Variants in TRIO observed in about 807,000 individuals in gnomAD.
TRIO encodes trio Rho guanine nucleotide exchange factor, also known as triple functional domain protein.
In TRIO, 58 loss-of-function variants were observed where a neutral mutation model predicts 351.9. The observed-to-expected ratio is 0.16, with a 90% CI of 0.13 to 0.21. TRIO has a LOEUF of 0.21. TRIO is among the 10% of genes least tolerant of loss of function. The pLI is 1.00. For missense variants in TRIO, 3,201 were observed against 4,027.8 expected (o/e 0.79, Z 5.56); for synonymous variants, 1,758 against 1,595.7 (o/e 1.10, Z -2.42).
intron 11 of TRIO, among the ~76,000 whole-genome samples, chr5:14,355,398 A>G (rs545177776): frequency 5.9e-5 from 9 of 152,188 alleles, no homozygotes; most frequent in Non-Finnish European, 1.0e-4. Context: ...GTTGACGTGA[A>G]GCCCTCTGCT....
chr5:14,277,746 A>G (rs1476780477), intron 2 of TRIO, among the ~76,000 whole-genome samples: 1 of 152,216 alleles, frequency 6.6e-6, no homozygotes, highest in Non-Finnish European at 1.5e-5. Flanking sequence ...ATCTTGGGGA[A>G]TAGAATTAAA....
Position 14,507,141 on chromosome 5 carries a change from C to T in TRIO, c.8632C>T (p.Leu2878=), listed in dbSNP as rs769841215. Residue 2878 remains leucine (L), a synonymous_variant, in exon 56 of 57, where the codon CTG becomes TTG. Transcript: ENST00000344204. The part of the protein sequence containing the change: ...VLEMADQGRL[L]DCVVRWGSLT... ...CTTTAGGGCTGACCAGGGTCGCCTC[C>T]TGGACTGCGTGGTGCGATGGGGAAG... The T allele has an allele frequency of 6.2e-7, 1 of 1,607,702 alleles. No individual in the cohort carries two copies. The highest frequency in any genetic ancestry group is 1.1e-5 in the South Asian group (1 of 90,056).
intron 53 of TRIO, 60 bp downstream of exon 53, chr5:14,498,700 C>T (rs987098238): frequency 1.8e-5 from 29 of 1,591,154 alleles, no homozygotes; most frequent in African/African-American, 1.7e-4. Context: ...TCAGGAGTCT[C>T]CTTAAGTCCT....
intron 30 of TRIO, among the ~76,000 whole-genome samples, chr5:14,399,642 G>T (rs566907776): frequency 7.2e-5 from 11 of 152,300 alleles, no homozygotes; most frequent in African/African-American, 2.4e-4. Context: ...TGGCAGATCC[G>T]GTGATGCATT....
intron 34 of TRIO, among the ~76,000 whole-genome samples, chr5:14,424,940 AC>A (rs775519764): frequency 2.6e-5 from 4 of 152,152 alleles, no homozygotes; most frequent in Non-Finnish European, 5.9e-5. Context: ...TGTCTTAGCA[AC>A]TTTTTCAAAT....
chr5:14,195,644 C>T (rs2152160418), intron 1 of TRIO, among the ~76,000 whole-genome samples: 1 of 152,230 alleles, frequency 6.6e-6, no homozygotes, highest in East Asian at 1.9e-4. Flanking sequence ...TTTTTAAATT[C>T]TTCCGCTTAT....
chr5:14,495,840 C>T (rs1041849252), intron 49 of TRIO, among the ~76,000 whole-genome samples: 6 of 151,576 alleles, frequency 4.0e-5, no homozygotes, highest in African/African-American at 7.3e-5. Flanking sequence ...TAGTGGCAGG[C>T]GCCTGTAGTC....
At chr5:14,404,213 A>G (rs571215889) in intron 31 of TRIO, among the ~76,000 whole-genome samples, 286 of 152,114 alleles carry the variant, frequency 1.9e-3, no homozygotes, top group African/African-American at 6.5e-3. Context: ...TTGTAAAACA[A>G]AATTTTGGTT....
rs768444178 is a variant in TRIO at position 14,381,189 on chromosome 5, C to T, written c.3507C>T (p.Gly1169=). The T allele has an allele frequency of 2.0e-5, 33 of 1,614,038 alleles. No individual in the cohort carries two copies. In the Admixed American group the frequency reaches 5.3e-4, roughly 26 times the overall value. Reference sequence around the variant, plus strand: ...ACCTTTCCACACACACCTCCACGGGCTCCAGTATACAGCACACCCAGGAGC... The same window carrying T: ...ACCTTTCCACACACACCTCCACGGGTTCCAGTATACAGCACACCCAGGAGC... ...EFYLSTHTST[G]SSIQHTQELL... The change falls in exon 21 of 57, where the codon GGC becomes GGT. Residue 1169 remains glycine (G), a synonymous_variant. Transcript: ENST00000344204.
chr5:14,204,439 G>A (rs980703728), intron 1 of TRIO, among the ~76,000 whole-genome samples: 1 of 152,078 alleles, frequency 6.6e-6, no homozygotes, highest in Non-Finnish European at 1.5e-5. Flanking sequence ...CTTTATGATC[G>A]TGGGCAGCTT....
At chr5:14,377,599 T>G (rs934184650) in intron 19 of TRIO, among the ~76,000 whole-genome samples, 2 of 152,128 alleles carry the variant, frequency 1.3e-5, no homozygotes, top group Non-Finnish European at 2.9e-5. Context: ...ACTCCACTAT[T>G]TTGACACAAC....
intron 34 of TRIO, among the ~76,000 whole-genome samples, chr5:14,434,609 G>C (rs896728547): frequency 6.6e-6 from 1 of 152,116 alleles, no homozygotes; most frequent in Non-Finnish European, 1.5e-5. Flanking sequence ...TCTCACATAC[G>C]GTGATGAAAA....
chr5:14,501,813 G>A (rs1757316169), intron 53 of TRIO, among the ~76,000 whole-genome samples: 2 of 152,210 alleles, frequency 1.3e-5, no homozygotes, highest in Admixed American at 1.3e-4. Flanking sequence ...GAGGAGGCTG[G>A]ATGAGTGGGG....
In TRIO at chr5:14,368,799, C is replaced by T. The variant is rs2152343954; in HGVS notation, c.2966C>T (p.Ala989Val). 1 of 1,614,124 alleles carries T rather than the reference C, an allele frequency of 6.2e-7. No individual in the cohort carries two copies. Among genetic ancestry groups the T allele is most frequent in the East Asian group, 2.2e-5 (1 of 44,848 alleles). Reference protein sequence around the residue: ...HYDMDMIRDCAEKVASHWQQL... With the variant: ...HYDMDMIRDCVEKVASHWQQL... ...GACATGGACATGATCCGGGACTGCG[C>T]CGAGAAGGTGGCGTCTCACTGGCAA... The change falls in exon 17 of 57, where the codon GCC becomes GTC. Residue 989 changes from alanine to valine, a missense_variant. This residue lies in a region of TRIO where 363 missense variants were observed against 553.5 expected (regional missense o/e 0.66). Transcript: ENST00000344204.
intron 1 of TRIO, among the ~76,000 whole-genome samples, chr5:14,196,524 A>G (rs527402291): frequency 3.9e-5 from 6 of 152,104 alleles, no homozygotes; most frequent in Admixed American, 3.3e-4. Context: ...ATTTGAGAGC[A>G]TTCATGTTTT....
intron 1 of TRIO, among the ~76,000 whole-genome samples, chr5:14,199,195 CAAAA>C (rs58856067): frequency 2.4e-4 from 18 of 74,250 alleles, no homozygotes; most frequent in East Asian, 1.2e-3. Context: ...GAGTGGGACT[CAAAA>C]AAAAAAAAAA....
intron 1 of TRIO, among the ~76,000 whole-genome samples, chr5:14,252,789 G>T (rs1025256562): frequency 6.6e-6 from 1 of 152,202 alleles, no homozygotes; most frequent in Non-Finnish European, 1.5e-5. Context: ...CCAGGAGAGA[G>T]GGACGAGGTT....
chr5:14,464,754 T>C (rs181257027), intron 36 of TRIO, among the ~76,000 whole-genome samples: 107 of 152,364 alleles, frequency 7.0e-4, no homozygotes, highest in East Asian at 2.1e-3. Flanking sequence ...GCCTCGCCGC[T>C]GTCCTTAATA....
At chr5:14,375,189 G>C (rs1017797650) in intron 19 of TRIO, among the ~76,000 whole-genome samples, 2 of 152,096 alleles carry the variant, frequency 1.3e-5, no homozygotes, top group Non-Finnish European at 2.9e-5. Context: ...TTATTGATGG[G>C]CTTTTTCTTC....
Sources: gnomAD v4.1 joint callset for allele counts (sites outside exome capture counted in the v4.1 genomes callset) on GRCh38, gnomAD v4.1.1 for gene constraint, gnomAD v4.1.1 regional missense constraint, MANE v1.5 for transcripts, NCBI Gene and HGNC (gene_info 2026-07-23, HGNC 2026-07-21) for gene names.